HMGN5: variants seen among roughly 807,000 people sequenced by gnomAD.
The protein encoded by HMGN5 is high mobility group nucleosome-binding domain-containing protein 5.
A neutral mutation model predicts 9.5 loss-of-function variants in HMGN5; 4 were observed. The observed-to-expected ratio is 0.42, with a 90% CI of 0.21 to 0.96. The LOEUF (loss-of-function observed/expected upper bound fraction) is 0.96. HMGN5 is among the 40% of genes least tolerant of loss of function. HMGN5 has a pLI of 0.30. For missense variants in HMGN5, 192 were observed against 187.5 expected (o/e 1.02, Z -0.14); for synonymous variants, 55 against 57.1 (o/e 0.96, Z 0.16).
At chrX:81,174,054 A>T (rs1236639227) in intron 1 of HMGN5, among the ~76,000 whole-genome samples, 1 of 111,431 alleles carries the variant, frequency 9.0e-6, no homozygotes, top group South Asian at 3.7e-4. Context: ...TTAACAAAAG[A>T]TATTAATATT....
intron 1 of HMGN5, among the ~76,000 whole-genome samples, chrX:81,196,538 T>G (rs1460492071): frequency 3.8e-5 from 4 of 105,154 alleles, no homozygotes; most frequent in South Asian, 4.2e-4. Flanking sequence ...GTTTTTTTTG[T>G]TTGTTTGTTT....
At chrX:81,153,325 G>A (rs974649477) in intron 1 of HMGN5, among the ~76,000 whole-genome samples, 10 of 105,214 alleles carry the variant, frequency 9.5e-5, no homozygotes, top group Non-Finnish European at 1.6e-4. Flanking sequence ...GGCTGAGGTG[G>A]GTAGATCACT....
chrX:81,199,442 C>A (rs1395869022), intron 1 of HMGN5, among the ~76,000 whole-genome samples: 4 of 112,599 alleles, frequency 3.6e-5, no homozygotes, highest in African/African-American at 6.5e-5. Context: ...GCAAAAAGAA[C>A]AAAGCTGGAG....
chrX:81,178,405 A>G (rs1393749861), intron 1 of HMGN5, among the ~76,000 whole-genome samples: 1 of 111,937 alleles, frequency 8.9e-6, no homozygotes, highest in Admixed American at 9.5e-5. Flanking sequence ...AGAAATACAA[A>G]TTACCCTCAG....
In HMGN5 at chrX:81,140,256, C is replaced by A. The variant is rs892655179; in HGVS notation, c.-123-18584G>T. On this transcript the variant is annotated intron_variant, in intron 1 of 6. Transcript: ENST00000358130. ...ATACCTTGAGCCAGAAGGGAACCTG[C>A]TGCCTTAAAAGGAAGGACTCAGGGC... Among the ~76,000 whole-genome samples the A allele has an allele frequency of 7.2e-5, 8 of 111,416 alleles. No individual in the cohort carries two copies. The East Asian group carries it at 2.3e-3, about 32-fold the overall frequency.
chrX:81,157,806 G>T (rs1411727205), intron 1 of HMGN5, among the ~76,000 whole-genome samples: 1 of 110,135 alleles, frequency 9.1e-6, no homozygotes, highest in Non-Finnish European at 1.9e-5. Flanking sequence ...TTGAGACGGA[G>T]TCTTGCTCTG....
chrX:81,158,593 A>G (rs1205873247), intron 1 of HMGN5, among the ~76,000 whole-genome samples: 1 of 111,717 alleles, frequency 9.0e-6, no homozygotes, highest in East Asian at 2.8e-4. Flanking sequence ...GGCTGCAAAA[A>G]TTTTCTCCCA....
At position 81,119,835 on chromosome X, in the gene HMGN5, C is replaced by A. The variant is rs2075264162; in HGVS notation, c.16-18G>T. On this transcript the variant is annotated intron_variant, in intron 2 of 6. Transcript: ENST00000358130. ...CCTGCAGCCTACACAGAGGAGAAAA[C>A]CACACAGAAATAAGGTCATTGATAT... 8.4e-7 allele frequency: 1 copy of A among 1,187,366 alleles called. No homozygotes were observed. Among genetic ancestry groups the A allele is most frequent in the African/African-American group, 1.7e-5 (1 of 57,306 alleles).
At chrX:81,128,825 A>C (rs2075291337) in intron 1 of HMGN5, among the ~76,000 whole-genome samples, 1 of 111,964 alleles carries the variant, frequency 8.9e-6, no homozygotes, top group Admixed American at 9.5e-5. Flanking sequence ...GGTTATCTTA[A>C]TTTCATCTTT....
At position 81,113,973 on chromosome X, in the gene HMGN5, CAG is replaced by C. The variant is rs1429294481; in HGVS notation, c.*674_*675del. 1 of 111,084 alleles carries C rather than the reference CAG, an allele frequency of 9.0e-6. No homozygotes were observed. The highest frequency in any genetic ancestry group is 3.3e-5 in the African/African-American group (1 of 30,605). The allele number at this position is 111,084 out of a possible 1,213,427, so 9.2% of individuals were successfully genotyped here. On this transcript the variant is annotated 3_prime_UTR_variant, in exon 7 of 7. Transcript: ENST00000358130. ...ATTTTACTTTATATTAATTTTATGTCAGTGAATATTAAATATTTTCATGAATA... is the reference window on the plus strand; with the variant it reads ...ATTTTACTTTATATTAATTTTATGTCTGAATATTAAATATTTTCATGAATA...
chrX:81,200,440 C>T (rs2075522559), intron 1 of HMGN5, among the ~76,000 whole-genome samples: 1 of 112,035 alleles, frequency 8.9e-6, no homozygotes, highest in African/African-American at 3.3e-5. Flanking sequence ...TTCATAATAG[C>T]AAAGACTTGG....
In HMGN5 at chrX:81,201,840, C is replaced by T. The variant is rs1179805286; in HGVS notation, c.-227G>A. ...GCGTGAAAAGGTCCTTCATGCTAAT[C>T]TAATTCAATTCAGTTCTCCTTTTTC... On this transcript the variant is annotated 5_prime_UTR_variant, in exon 1 of 7. Transcript: ENST00000358130. The T allele has an allele frequency of 1.4e-5, 3 of 221,884 alleles. No individual in the cohort carries two copies. The highest frequency in any genetic ancestry group is 2.4e-5 in the Non-Finnish European group (3 of 124,588). 18.3% of individuals were successfully genotyped at this position (221,884 alleles called of 1,213,427 possible).
chrX:81,142,299 C>G (rs2147554938), intron 1 of HMGN5, among the ~76,000 whole-genome samples: 1 of 111,271 alleles, frequency 9.0e-6, no homozygotes, highest in African/African-American at 3.3e-5. Context: ...AAAATTGATT[C>G]AAAGGGATAA....
chrX:81,141,318 A>G (rs2075328821), intron 1 of HMGN5, among the ~76,000 whole-genome samples: 1 of 111,415 alleles, frequency 9.0e-6, no homozygotes, highest in Non-Finnish European at 1.9e-5. Flanking sequence ...AAATGAACAT[A>G]GGCAGTAGCA....
intron 1 of HMGN5, among the ~76,000 whole-genome samples, chrX:81,138,124 CCAGA>C (rs1202963549): frequency 1.8e-5 from 2 of 111,414 alleles, no homozygotes; most frequent in South Asian, 3.7e-4. Context: ...GCTACCAAAA[CCAGA>C]CAAAGATAGT....
At chrX:81,193,610 T>C (rs2075499929) in intron 1 of HMGN5, among the ~76,000 whole-genome samples, 1 of 111,263 alleles carries the variant, frequency 9.0e-6, no homozygotes, top group South Asian at 3.8e-4. Context: ...GTTCTGGAGG[T>C]GTCAAAGGAA....
intron 3 of HMGN5, 125 bp downstream of exon 3, chrX:81,119,663 T>C (rs775965932): frequency 2.0e-6 from 1 of 496,706 alleles, no homozygotes; most frequent in Non-Finnish European, 3.4e-6. Flanking sequence ...GAGATCCCAC[T>C]GGTATACCAT....
At chrX:81,161,781 A>C (rs2075398164) in intron 1 of HMGN5, among the ~76,000 whole-genome samples, 1 of 111,195 alleles carries the variant, frequency 9.0e-6, no homozygotes, top group Admixed American at 9.6e-5. Context: ...GAAAAATAGG[A>C]TACACCTAGT....
intron 2 of HMGN5, 23 bp from the exon 3 acceptor site, chrX:81,119,840 C>G: frequency 8.5e-7 from 1 of 1,178,404 alleles, no homozygotes; most frequent in Non-Finnish European, 1.2e-6. Flanking sequence ...GAAAACCACA[C>G]AGAAATAAGG....
Sources: gnomAD v4.1 joint callset for allele counts (sites outside exome capture counted in the v4.1 genomes callset) on GRCh38, gnomAD v4.1.1 for gene constraint, MANE v1.5 for transcripts, NCBI Gene and HGNC (gene_info 2026-07-23, HGNC 2026-07-21) for gene names.